MEGF6: variants seen among roughly 807,000 people sequenced by gnomAD.
MEGF6 encodes the protein multiple EGF like domains 6, also known as multiple epidermal growth factor-like domains protein 6.
Under a neutral mutation model 207.1 loss-of-function variants are expected in MEGF6, and 184 were observed. That is an observed-to-expected ratio of 0.89 (90% confidence interval 0.79 to 1.00). The LOEUF is 1.00. Ranked by LOEUF, MEGF6 falls within the 50% of genes least tolerant of loss-of-function variation. MEGF6 has a pLI of 0.00. For missense variants in MEGF6, 2,282 were observed against 2,202.9 expected, an observed-to-expected ratio of 1.04 and a Z score of -0.72; for synonymous variants, 1,038 against 910.0, an observed-to-expected ratio of 1.14 and a Z score of -2.53.
In MEGF6 at chr1:3,499,853, G is replaced by C. The variant is rs1247667099; in HGVS notation, c.2779C>G (p.His927Asp). The C allele has an allele frequency of 1.3e-6, 2 of 1,555,300 alleles. No homozygotes were observed. The highest frequency in any genetic ancestry group is 1.7e-6 in the Non-Finnish European group (2 of 1,150,216). The change falls in exon 22 of 37, where the codon CAC becomes GAC. Residue 927 changes from histidine to aspartate, a missense_variant. By Grantham distance (81) the His-to-Asp change is moderately conservative. Coordinates refer to ENST00000356575, the MANE Select transcript of MEGF6 (RefSeq NM_001409.4). Reference protein sequence around the residue: ...CQCQHGAACDHVSGACTCPAG... With the variant: ...CQCQHGAACDDVSGACTCPAG... ...GGGCAGGTGCAGGCCCCGCTGACGT[G>C]GTCACAGGCTGCTCCATGCTGACAC...
chr1:3,512,515 C>G (rs973125551), intron 7 of MEGF6, among the ~76,000 whole-genome samples: 1 of 152,208 alleles, frequency 6.6e-6, no homozygotes, highest in South Asian at 2.1e-4. Context: ...ACAGTTCCCA[C>G]GTGTGGTGGG....
intron 14 of MEGF6, 129 bp from the exon 15 acceptor site, chr1:3,506,365 C>G (rs967713940): frequency 1.7e-6 from 2 of 1,165,648 alleles, no homozygotes; most frequent in African/African-American, 3.1e-5. Flanking sequence ...CGCCAGGGCA[C>G]TAGGTGAGCC....
the MEGF6 span, among the ~76,000 whole-genome samples, chr1:3,618,820 C>A: frequency 6.6e-6 from 1 of 152,170 alleles, no homozygotes; most frequent in Non-Finnish European, 1.5e-5. This position sits in a 1 kb window ranked among gnomAD's most constrained non-coding sequence, Gnocchi z 4.7. Context: ...GCCCAAAGTG[C>A]ATCCCCCAAA....
rs561083437 is a variant in MEGF6, at chr1:3,501,111, G to A, written c.2447-17C>T. 14 of 1,612,662 alleles carry A rather than the reference G, an allele frequency of 8.7e-6. No homozygotes were observed. In the African/African-American group the frequency reaches 1.6e-4, roughly 18 times the overall value. On this transcript the variant is annotated splice_polypyrimidine_tract_variant and intron_variant, in intron 19 of 36. Transcript: ENST00000356575. ...CTGGGCACACTACAGGCAGGCGAGA[G>A]AGGGTGAGTGGGGCCTGGCCACCTA... is the stretch of plus-strand genomic sequence containing the variant.
rs1261394195 is a variant in MEGF6, at chr1:3,576,114, CTG to C, written c.481+3709_481+3710del. On this transcript the variant is annotated intron_variant, in intron 4 of 36. Transcript: ENST00000356575. The stretch of plus-strand genomic sequence containing the variant: ...GGACAAAATGAGCGGCTGGCCCTGA[CTG>C]TGACTGCGCCGAGGCCTGCACTGGG... Among the ~76,000 whole-genome samples the C allele has an allele frequency of 2.6e-5, 4 of 152,254 alleles. No homozygotes were observed. In the East Asian group the frequency reaches 5.8e-4, roughly 22 times the overall value.
At chr1:3,579,514 C>A (rs1438274028) in intron 4 of MEGF6, among the ~76,000 whole-genome samples, 1 of 152,166 alleles carries the variant, frequency 6.6e-6, no homozygotes, top group Non-Finnish European at 1.5e-5. Context: ...ACCTGGCCAC[C>A]CCCTGCCTTT....
chr1:3,561,783 C>G (rs1023436906), intron 4 of MEGF6, among the ~76,000 whole-genome samples: 1 of 152,262 alleles, frequency 6.6e-6, no homozygotes, highest in East Asian at 1.9e-4. Context: ...TGACTTCGCT[C>G]TCCTGACTTC....
rs749091817 is a variant in MEGF6 at position 3,560,704 on chromosome 1, C to T, written c.481+19121G>A. The T allele has an allele frequency of 5.5e-5, 25 of 456,722 alleles. No homozygotes were observed. The highest frequency in any genetic ancestry group is 4.7e-4 in the African/African-American group (23 of 49,304). The allele number at this position is 456,722 out of a possible 1,614,324, so 28.3% of individuals were successfully genotyped here. The stretch of plus-strand genomic sequence containing the variant: ...CCCTCCCCATCTGTGGTTTCCAGGG[C>T]AACCCTGGAAACCAAGAGTGGGTCG... On this transcript the variant is annotated intron_variant, in intron 4 of 36. Coordinates refer to ENST00000356575, the MANE Select transcript of MEGF6 (RefSeq NM_001409.4). The surrounding 1 kb of genome is among the most constrained non-coding windows in gnomAD (Gnocchi z 4.0).
At chr1:3,580,738 A>AG (rs1319469843) in intron 3 of MEGF6, among the ~76,000 whole-genome samples, 2 of 135,792 alleles carry the variant, frequency 1.5e-5, no homozygotes, top group Non-Finnish European at 3.2e-5. Context: ...TTGGGAGGGC[A>AG]GGGCCAGGGT....
upstream of MEGF6, among the ~76,000 whole-genome samples, chr1:3,614,120 C>G (rs1644358823): frequency 6.6e-6 from 1 of 152,216 alleles, no homozygotes; most frequent in Non-Finnish European, 1.5e-5. Context: ...CTGTGGTCTT[C>G]CCCCACTGCG....
intron 26 of MEGF6, among the ~76,000 whole-genome samples, chr1:3,498,127 C>A (rs1037331721): frequency 1.5e-4 from 23 of 152,178 alleles, no homozygotes; most frequent in Admixed American, 1.4e-3. Context: ...CCACCCACCA[C>A]AGGGCTGGCT....
intron 4 of MEGF6, chr1:3,531,233 G>A (rs4648521): frequency 0.035 from 52,011 of 1,467,432 alleles, 1,240 homozygotes; most frequent in East Asian, 0.1. Flanking sequence ...CCGCGGTCCC[G>A]GGACGCCCCC....
chr1:3,617,705 A>C, the MEGF6 span, among the ~76,000 whole-genome samples: 1 of 152,264 alleles, frequency 6.6e-6, no homozygotes, highest in Non-Finnish European at 1.5e-5. Context: ...CAAGTAAAGG[A>C]TCTCCGGATG....
chr1:3,496,090 TAGGAC>T, intron 29 of MEGF6, 72 bp from the exon 30 acceptor site: 1 of 1,442,722 alleles, frequency 6.9e-7, no homozygotes, highest in Non-Finnish European at 9.1e-7. Flanking sequence ...GGAGTGGGGA[TAGGAC>T]AGGATGGGAT....
chr1:3,564,433 A>C (rs914918017), intron 4 of MEGF6, among the ~76,000 whole-genome samples: 2 of 152,116 alleles, frequency 1.3e-5, no homozygotes, highest in African/African-American at 2.4e-5. Flanking sequence ...TGTAAGACCC[A>C]TGGGAAGGGA....
chr1:3,490,506 G>A lies in MEGF6; in HGVS notation c.*22C>T, dbSNP rs368981649. The A allele has an allele frequency of 1.0e-4, 162 of 1,611,722 alleles. 2 individuals are homozygous for A. The East Asian group carries it at 2.3e-3, about 23-fold the overall frequency. ...CCCCTCTGGCTGGGACTGGAGAGGC[G>A]GGCTCCACGGGACTGCCTCTACTAG... is the stretch of plus-strand genomic sequence containing the variant. On this transcript the variant is annotated 3_prime_UTR_variant, in exon 37 of 37. Transcript: ENST00000356575.
At chr1:3,519,506 G>A (rs1384358775) in intron 5 of MEGF6, among the ~76,000 whole-genome samples, 1 of 152,274 alleles carries the variant, frequency 6.6e-6, no homozygotes, top group Non-Finnish European at 1.5e-5. Context: ...GCTCCGACCT[G>A]CCCTCCTGGG....
At chr1:3,530,567 A>G (rs1347603475) in intron 4 of MEGF6, among the ~76,000 whole-genome samples, 2 of 152,210 alleles carry the variant, frequency 1.3e-5, no homozygotes, top group Non-Finnish European at 2.9e-5. Context: ...GGACGGAACG[A>G]GAGCAGGGCT....
intron 4 of MEGF6, among the ~76,000 whole-genome samples, chr1:3,548,382 C>T (rs1301628819): frequency 2.0e-5 from 3 of 152,244 alleles, no homozygotes; most frequent in Non-Finnish European, 2.9e-5. Context: ...ACGGGCCAAG[C>T]GGAATGCAGG....
Sources: gnomAD v4.1 joint callset for allele counts (sites outside exome capture counted in the v4.1 genomes callset) on GRCh38, gnomAD v4.1.1 for gene constraint, Gnocchi (gnomAD v3.1) non-coding constraint, MANE v1.5 for transcripts, NCBI Gene and HGNC (gene_info 2026-07-23, HGNC 2026-07-21) for gene names.